The following NBEA variants were observed in gnomAD, a reference collection of about 807,000 sequenced individuals.
NBEA encodes the protein lysosomal-trafficking regulator 2.
In NBEA, 44 loss-of-function variants were observed where a neutral mutation model predicts 343.4. That is an observed-to-expected ratio of 0.13 (90% CI 0.10 to 0.16). The LOEUF is 0.16. NBEA is among the 10% of genes least tolerant of loss of function. NBEA has a pLI of 1.00. For synonymous variants in NBEA, 1,175 were observed against 1,238.7 expected (o/e 0.95, Z 1.08); for missense variants, 2,555 against 3,631.3 (o/e 0.70, Z 7.62).
rs1355715637 is a variant in NBEA at position 35,110,900 on chromosome 13, C to G, written c.1924C>G (p.Gln642Glu). Residue 642 changes from glutamine to glutamate, a missense_variant, in exon 13 of 59, where the codon CAG becomes GAG. Physicochemically the swap from Gln to Glu is conservative, Grantham distance 29. Around this residue, in one of 21 missense-constraint regions of NBEA, gnomAD observed 360 missense variants for 519.1 expected, o/e 0.69. Coordinates refer to ENST00000379939, the MANE Select transcript of NBEA (RefSeq NM_001385012.1). ...TTIRRVGTVL[Q>E]LMHTLKYYYW... Reference sequence around the variant, plus strand: ...CATACGCAGAGTAGGAACAGTATTACAGCTAATGCACACCTTAAAATATTA... The same window carrying G: ...CATACGCAGAGTAGGAACAGTATTAGAGCTAATGCACACCTTAAAATATTA... 6.2e-7 allele frequency: 1 copy of G among 1,611,960 alleles called. No individual in the cohort carries two copies. Among genetic ancestry groups the G allele is most frequent in the African/African-American group, 1.3e-5 (1 of 74,872 alleles).
chr13:35,610,993 A>G (rs1481927232), intron 48 of NBEA, among the ~76,000 whole-genome samples: 2 of 151,956 alleles, frequency 1.3e-5, no homozygotes, highest in Non-Finnish European at 2.9e-5. Flanking sequence ...TCAAATTGAA[A>G]CCACAGTAAG....
intron 38 of NBEA, among the ~76,000 whole-genome samples, chr13:35,386,100 A>C (rs1310300467): frequency 6.6e-6 from 1 of 152,126 alleles, no homozygotes; most frequent in Non-Finnish European, 1.5e-5. Flanking sequence ...TTAAAAATAA[A>C]ATATATAATT....
chr13:35,595,977 A>T (rs1349355994), intron 47 of NBEA, among the ~76,000 whole-genome samples: 1 of 152,052 alleles, frequency 6.6e-6, no homozygotes, highest in Non-Finnish European at 1.5e-5. Flanking sequence ...GTTGGGTCAC[A>T]TGTCTTTTTC....
At chr13:35,088,360 G>C (rs750294831) in intron 10 of NBEA, among the ~76,000 whole-genome samples, 1 of 151,884 alleles carries the variant, frequency 6.6e-6, no homozygotes, top group Admixed American at 6.6e-5. Context: ...AATCTTTTCA[G>C]TTTTCTGGTT....
At chr13:35,213,859 A>G (rs1001015722) in intron 33 of NBEA, among the ~76,000 whole-genome samples, 2 of 151,974 alleles carry the variant, frequency 1.3e-5, no homozygotes, top group African/African-American at 4.8e-5. Context: ...AAGATGTAGA[A>G]TATACCCATC....
intron 41 of NBEA, among the ~76,000 whole-genome samples, chr13:35,489,531 A>G (rs2076428065): frequency 6.6e-6 from 1 of 151,906 alleles, no homozygotes; most frequent in Non-Finnish European, 1.5e-5. Flanking sequence ...ATCATAATCT[A>G]TGCCACTTAT....
At position 35,127,987 on chromosome 13, in the gene NBEA, T is replaced by C. The variant is rs1409299820; in HGVS notation, c.2336+4413T>C. Among the ~76,000 whole-genome samples, 5 of 151,008 alleles carry C rather than the reference T, an allele frequency of 3.3e-5. No individual in the cohort carries two copies. The Admixed American group carries it at 3.3e-4, about 10-fold the overall frequency. The stretch of plus-strand genomic sequence containing the variant: ...TGATCACAGTAATGAAACCCAGTTC[T>C]GTATGCAAGAAACATACCCAAAAAC... On this transcript the variant is annotated intron_variant, in intron 17 of 58. Transcript: ENST00000379939.
At chr13:35,412,406 T>C (rs78541794) in intron 38 of NBEA, among the ~76,000 whole-genome samples, 2,470 of 152,280 alleles carry the variant, frequency 0.016, 75 homozygotes, top group African/African-American at 0.057. Flanking sequence ...TATATACTTA[T>C]ACATTCACCT....
chr13:35,462,483 A>G (rs550680192), intron 40 of NBEA, among the ~76,000 whole-genome samples: 2 of 152,322 alleles, frequency 1.3e-5, no homozygotes, highest in South Asian at 4.1e-4. Flanking sequence ...TTACTTAGGT[A>G]GAAAGCATGA....
At position 34,942,749 on chromosome 13, in the gene NBEA, G is replaced by T; in HGVS notation, c.-72G>T. The stretch of plus-strand genomic sequence containing the variant: ...TCCGAGGCGACGGCCGGGGGGCGGG[G>T]GCCGAGGCAGGTATAACGGTACCGG... On this transcript the variant is annotated 5_prime_UTR_variant, in exon 1 of 59. Coordinates refer to ENST00000379939, the MANE Select transcript of NBEA (RefSeq NM_001385012.1). 8.3e-7 allele frequency: 1 copy of T among 1,209,942 alleles called. No individual in the cohort carries two copies. The highest frequency in any genetic ancestry group is 1.0e-6 in the Non-Finnish European group (1 of 961,316). The allele number at this position is 1,209,942 out of a possible 1,614,324, so 75.0% of individuals were successfully genotyped here.
At chr13:35,470,309 G>A (rs1471523389) in intron 40 of NBEA, among the ~76,000 whole-genome samples, 1 of 152,160 alleles carries the variant, frequency 6.6e-6, no homozygotes, top group African/African-American at 2.4e-5. Context: ...AAAGTTCACG[G>A]ATGTGTACTT....
intron 8 of NBEA, among the ~76,000 whole-genome samples, chr13:35,064,722 T>C (rs947086169): frequency 6.6e-6 from 1 of 151,696 alleles, no homozygotes; most frequent in African/African-American, 2.4e-5. Context: ...CCTAATCCAA[T>C]GTGACTAGTA....
chr13:34,956,610 G>A (rs2059500009), intron 1 of NBEA, among the ~76,000 whole-genome samples: 4 of 152,008 alleles, frequency 2.6e-5, no homozygotes, highest in Admixed American at 2.6e-4. Context: ...AATCAAATTG[G>A]GGTAGTTAGC....
intron 38 of NBEA, 42 bp from the exon 39 acceptor site, chr13:35,432,227 A>G: frequency 6.6e-7 from 1 of 1,510,442 alleles, no homozygotes; most frequent in South Asian, 1.3e-5. Flanking sequence ...CCAGCTATGC[A>G]TTGTTATTAA....
intron 13 of NBEA, among the ~76,000 whole-genome samples, 155 bp downstream of exon 13, chr13:35,111,133 A>T (rs1374822464): frequency 6.6e-6 from 1 of 152,190 alleles, no homozygotes; most frequent in Non-Finnish European, 1.5e-5. Flanking sequence ...TGTGGTAAAG[A>T]AGTTTAGGGC....
At chr13:35,508,842 G>C (rs1015542108) in intron 41 of NBEA, among the ~76,000 whole-genome samples, 2 of 152,160 alleles carry the variant, frequency 1.3e-5, no homozygotes, top group Admixed American at 1.3e-4. Flanking sequence ...TCAGAACATG[G>C]GTGGTAACTG....
At chr13:34,961,162 C>T (rs1369207973) in intron 1 of NBEA, among the ~76,000 whole-genome samples, 4 of 151,840 alleles carry the variant, frequency 2.6e-5, no homozygotes, top group South Asian at 2.1e-4. Context: ...AAGATTAGAG[C>T]GGTATTAGTG....
At chr13:35,581,065 G>A (rs902203033) in intron 45 of NBEA, among the ~76,000 whole-genome samples, 12 of 152,156 alleles carry the variant, frequency 7.9e-5, no homozygotes, top group African/African-American at 2.4e-4. Flanking sequence ...TTTTATGCAC[G>A]TGAGAGGTCT....
intron 6 of NBEA, among the ~76,000 whole-genome samples, chr13:35,051,727 G>A (rs775066868): frequency 6.6e-6 from 1 of 152,008 alleles, no homozygotes; most frequent in Non-Finnish European, 1.5e-5. Flanking sequence ...GTGAGACCAA[G>A]ATAGTTTGCT....
Sources: allele counts gnomAD v4.1 joint callset (sites outside exome capture counted in the v4.1 genomes callset), GRCh38; gene constraint gnomAD v4.1.1; regional missense constraint gnomAD v4.1.1; transcripts MANE v1.5; gene names NCBI Gene and HGNC (gene_info 2026-07-23, HGNC 2026-07-21).